Variants in CDH18 observed in about 807,000 individuals in gnomAD.
CDH18 encodes cadherin-18.
A neutral mutation model predicts 67.9 loss-of-function variants in CDH18; 31 were observed. The observed-to-expected ratio is 0.46, with a 90% CI of 0.34 to 0.62. The LOEUF (loss-of-function observed/expected upper bound fraction) is 0.62. Among genes scored for constraint, CDH18 ranks in the 20% least tolerant of loss-of-function variants. CDH18 has a pLI of 0.01. For synonymous variants in CDH18, 362 were observed against 347.2 expected (o/e 1.04, Z -0.48); for missense variants, 890 against 975.5 (o/e 0.91, Z 1.17).
At chr5:20,238,376 CT>C (rs1459806797) in intron 2 of CDH18, among the ~76,000 whole-genome samples, 1 of 152,046 alleles carries the variant, frequency 6.6e-6, no homozygotes, top group Non-Finnish European at 1.5e-5. Context: ...GAAATCTCAG[CT>C]TCATAAGGAA....
chr5:20,402,102 A>G (rs1745819428), intron 1 of CDH18, among the ~76,000 whole-genome samples: 1 of 152,044 alleles, frequency 6.6e-6, no homozygotes, highest in African/African-American at 2.4e-5. Flanking sequence ...TTCTTTTCAT[A>G]TGCCTAGAAG....
intron 5 of CDH18, among the ~76,000 whole-genome samples, chr5:19,702,584 A>G (rs58502621): frequency 0.91 from 138,773 of 151,954 alleles, 64,650 homozygotes; most frequent in East Asian, 1. Flanking sequence ...TGGCCAACAT[A>G]GTAAAACCCC....
chr5:19,636,054 CTCAA>C (rs1428240472), intron 5 of CDH18, among the ~76,000 whole-genome samples: 1 of 152,040 alleles, frequency 6.6e-6, no homozygotes, highest in Non-Finnish European at 1.5e-5. Flanking sequence ...ATAGACTTGG[CTCAA>C]TCAATGATTT....
At chr5:19,579,696 AT>A (rs1018686093) in intron 7 of CDH18, among the ~76,000 whole-genome samples, 25 of 151,430 alleles carry the variant, frequency 1.7e-4, no homozygotes, top group African/African-American at 6.0e-4. Context: ...TTACTAATAA[AT>A]TTTTTTTAAA....
chr5:19,537,199 C>G (rs754778923), intron 9 of CDH18, among the ~76,000 whole-genome samples: 1 of 152,068 alleles, frequency 6.6e-6, no homozygotes, highest in Admixed American at 6.6e-5. Flanking sequence ...GTAATTCCCC[C>G]CCAGTGACAG....
chr5:19,742,201 C>T (rs941222021), intron 4 of CDH18, among the ~76,000 whole-genome samples: 3 of 152,020 alleles, frequency 2.0e-5, no homozygotes, highest in Admixed American at 1.3e-4. Context: ...GGCAATATAG[C>T]GCAGTGCAAT....
intron 1 of CDH18, among the ~76,000 whole-genome samples, chr5:20,322,588 T>C (rs571122093): frequency 3.3e-5 from 5 of 152,244 alleles, no homozygotes; most frequent in African/African-American, 1.2e-4. Flanking sequence ...TTATATAAAG[T>C]ACTAAAAAGT....
intron 2 of CDH18, among the ~76,000 whole-genome samples, chr5:20,240,251 A>G (rs1346111289): frequency 6.8e-6 from 1 of 146,796 alleles, no homozygotes; most frequent in Non-Finnish European, 1.5e-5. Flanking sequence ...ATTAGTTTTT[A>G]TCAAATTAAA....
At chr5:19,840,803 T>C (rs1481907239) in intron 2 of CDH18, among the ~76,000 whole-genome samples, 1 of 152,198 alleles carries the variant, frequency 6.6e-6, no homozygotes, top group Non-Finnish European at 1.5e-5. Flanking sequence ...TATGTGTGCT[T>C]GAATATATGT....
intron 2 of CDH18, among the ~76,000 whole-genome samples, chr5:20,174,543 AC>A: frequency 1.3e-5 from 2 of 152,302 alleles, no homozygotes; most frequent in Middle Eastern, 6.8e-3. Flanking sequence ...AAATTTATTC[AC>A]CTTTTTTGGG....
chr5:20,562,724 G>A (rs1186351251), intron 1 of CDH18, among the ~76,000 whole-genome samples: 1 of 151,738 alleles, frequency 6.6e-6, no homozygotes, highest in African/African-American at 2.4e-5. Context: ...AAACAGCGTT[G>A]TGGAATAAAA....
intron 2 of CDH18, among the ~76,000 whole-genome samples, chr5:20,062,687 AAG>A (rs879823329): frequency 1.3e-5 from 2 of 152,176 alleles, no homozygotes; most frequent in Non-Finnish European, 2.9e-5. Context: ...CAACTGTCAA[AAG>A]AGAGAAAGAA....
At chr5:19,525,582 AACTG>A (rs1393206061) in intron 9 of CDH18, among the ~76,000 whole-genome samples, 11 of 152,218 alleles carry the variant, frequency 7.2e-5, no homozygotes, top group African/African-American at 2.7e-4. Context: ...CAAATTCAAT[AACTG>A]CTGTCTGTTA....
chr5:19,544,517 C>A (rs1233411711), intron 8 of CDH18, among the ~76,000 whole-genome samples: 2 of 151,404 alleles, frequency 1.3e-5, no homozygotes, highest in African/African-American at 4.9e-5. Context: ...TTCAACTAAA[C>A]CCTTGTTTAG....
chr5:20,037,095 G>C (rs1459219328), intron 2 of CDH18, among the ~76,000 whole-genome samples: 1 of 151,964 alleles, frequency 6.6e-6, no homozygotes. Context: ...CTTTTAATTG[G>C]AGCATTTAGC....
intron 1 of CDH18, among the ~76,000 whole-genome samples, chr5:20,412,285 A>G (rs566288312): frequency 1.3e-5 from 2 of 152,310 alleles, no homozygotes; most frequent in South Asian, 4.1e-4. Context: ...ATAGTGTTCA[A>G]TAAACGATAC....
intron 1 of CDH18, among the ~76,000 whole-genome samples, chr5:20,470,818 T>G (rs1752004237): frequency 6.6e-6 from 1 of 152,222 alleles, no homozygotes; most frequent in Non-Finnish European, 1.5e-5. Context: ...TAGCACTGTA[T>G]GCGCCAAGCT....
chr5:20,534,012 C>T (rs1389579477), intron 1 of CDH18, among the ~76,000 whole-genome samples: 3 of 151,968 alleles, frequency 2.0e-5, no homozygotes, highest in Non-Finnish European at 4.4e-5. Flanking sequence ...ATACATATGA[C>T]ATACACTAAT....
intron 2 of CDH18, among the ~76,000 whole-genome samples, chr5:20,032,434 AT>A (rs1739487044): frequency 6.6e-6 from 1 of 151,978 alleles, no homozygotes; most frequent in African/African-American, 2.4e-5. Flanking sequence ...AAAAGCAAAA[AT>A]CATCCCAGCT....
Sources: allele counts gnomAD v4.1 joint callset (sites outside exome capture counted in the v4.1 genomes callset), GRCh38; gene constraint gnomAD v4.1.1; transcripts MANE v1.5; gene names NCBI Gene and HGNC (gene_info 2026-07-23, HGNC 2026-07-21).